The following ECI1 variants were observed in gnomAD, a reference collection of about 807,000 sequenced individuals.
ECI1 encodes the protein enoyl-CoA delta isomerase 1.
ECI1 carries 34 observed loss-of-function variants against 34.2 expected under a neutral mutation model. The observed-to-expected ratio is 1.00, with a 90% CI of 0.76 to 1.33. The LOEUF is 1.33. Among genes scored for constraint, ECI1 ranks in the 40% most tolerant of loss-of-function variants. The probability of loss-of-function intolerance (pLI) is 0.00; values close to 1 mark genes in which losing one functional copy is unlikely to be tolerated. For missense variants in ECI1, 456 were observed against 422.2 expected, an observed-to-expected ratio of 1.08 and a Z score of -0.70; for synonymous variants, 211 against 193.0, an observed-to-expected ratio of 1.09 and a Z score of -0.77.
At position 2,244,436 on chromosome 16, in the gene ECI1, C is replaced by T. The variant is rs1279342733; in HGVS notation, c.411G>A (p.Gln137=). 6.2e-7 allele frequency: 1 copy of T among 1,612,324 alleles called. No individual in the cohort carries two copies. The highest frequency in any genetic ancestry group is 8.5e-7 in the Non-Finnish European group (1 of 1,179,784). ...AVQELWLRLY[Q]SNLVLVSAIN... ...TGGCGGAGACCAGCACCAGGTTGGA[C>T]TGGTACAACCGCAGCCACAGCTCCT... The change falls in exon 4 of 7, where the codon CAG becomes CAA. Residue 137 remains glutamine, a synonymous_variant. Transcript: ENST00000301729.
At chr16:2,249,114 C>T (rs889546361) in intron 2 of ECI1, among the ~76,000 whole-genome samples, 2 of 152,034 alleles carry the variant, frequency 1.3e-5, no homozygotes, top group African/African-American at 2.4e-5. Flanking sequence ...GGCGCGATCT[C>T]GGCTTACTGC....
chr16:2,250,403 G>A (rs2093550619), intron 2 of ECI1, among the ~76,000 whole-genome samples: 1 of 152,174 alleles, frequency 6.6e-6, no homozygotes, highest in African/African-American at 2.4e-5. Context: ...GGAGCCTGGA[G>A]TCCTGAAGCT....
intron 3 of ECI1, 73 bp downstream of exon 3, chr16:2,246,786 A>G: frequency 1.2e-6 from 2 of 1,605,922 alleles, no homozygotes; most frequent in East Asian, 2.2e-5. Flanking sequence ...TCCATGTGCA[A>G]CAGGCCTGGG....
chr16:2,240,235 G>A (rs1350785241), intron 6 of ECI1, 90 bp from the exon 7 acceptor site: 27 of 1,395,290 alleles, frequency 1.9e-5, no homozygotes, highest in African/African-American at 1.6e-4. Flanking sequence ...TTTTTGAGAC[G>A]GAGTCTTGCT....
chr16:2,240,211 T>C (rs1567311553), intron 6 of ECI1, 66 bp from the exon 7 acceptor site: 3 of 1,527,048 alleles, frequency 2.0e-6, no homozygotes, highest in Non-Finnish European at 2.7e-6. Context: ...TCCCAACTTA[T>C]TTTTTATTTT....
At chr16:2,249,044 T>A (rs901078536) in intron 2 of ECI1, among the ~76,000 whole-genome samples, 8 of 152,024 alleles carry the variant, frequency 5.3e-5, no homozygotes, top group Admixed American at 4.6e-4. Flanking sequence ...TTATTTTATT[T>A]AATTAATTAA....
chr16:2,250,981 T>C (rs922338367), intron 2 of ECI1, among the ~76,000 whole-genome samples: 1 of 151,938 alleles, frequency 6.6e-6, no homozygotes, highest in Non-Finnish European at 1.5e-5. Flanking sequence ...CCAGCTAATT[T>C]TTTTCTTTTG....
chr16:2,247,475 G>A (rs1436913633), intron 2 of ECI1, among the ~76,000 whole-genome samples: 2 of 152,034 alleles, frequency 1.3e-5, no homozygotes, highest in East Asian at 1.9e-4. Flanking sequence ...TTGGCTCACC[G>A]CAACCTCTGC....
rs1164584438 is a variant in ECI1 at position 2,240,047 on chromosome 16, T to C, written c.841A>G (p.Ile281Val). ...DADVQNFVSF[I>V]SKDSIQKSLQ... The stretch of plus-strand genomic sequence containing the variant: ...GACTTCTGGATGGAGTCTTTGGAGA[T>C]GAAGCTGACGAAGTTCTGCACGTCC... Residue 281 changes from isoleucine to valine, a missense_variant, in exon 7 of 7, where the codon ATC becomes GTC. By Grantham distance (29) the Ile-to-Val change is conservative. Coordinates refer to ENST00000301729, the MANE Select transcript of ECI1 (RefSeq NM_001919.4). 4 of 1,613,912 alleles carry C rather than the reference T, an allele frequency of 2.5e-6. No homozygotes were observed. The highest frequency in any genetic ancestry group is 2.7e-5 in the African/African-American group (2 of 74,948).
intron 3 of ECI1, among the ~76,000 whole-genome samples, chr16:2,245,051 A>T (rs1386144317): frequency 6.6e-6 from 1 of 152,172 alleles, no homozygotes; most frequent in Non-Finnish European, 1.5e-5. Context: ...GCGAGGGGTG[A>T]GCACAGGTGG....
rs145712373 is a variant in ECI1, at chr16:2,244,515, G to T, written c.332C>A (p.Thr111Lys). 1 of 1,600,930 alleles carries T rather than the reference G, an allele frequency of 6.2e-7. No homozygotes were observed. ...PGVFSAGLDL[T>K]EMCGRSPAHY... ...GGCGGGGCTCCTCCCACACATCTCC[G>T]TCAGGTCCAGGCCGGCCGAGAAGAC... The change falls in exon 4 of 7, where the codon ACG (threonine) becomes AAG (lysine). Residue 111 changes from threonine to lysine, a missense_variant. Thr to Lys is a moderately conservative substitution (Grantham distance 78). Coordinates refer to ENST00000301729, the MANE Select transcript of ECI1 (RefSeq NM_001919.4).
At chr16:2,251,272 G>T in intron 2 of ECI1, 44 bp downstream of exon 2, 1 of 1,000,568 alleles carries the variant, frequency 1.0e-6, no homozygotes, top group Non-Finnish European at 1.3e-6. Flanking sequence ...GACCCCCGCG[G>T]GTCCTGACCC....
intron 1 of ECI1, 32 bp from the exon 2 acceptor site, chr16:2,251,461 TCCCGGTCCTGGC>T: frequency 6.6e-7 from 1 of 1,525,792 alleles, no homozygotes; most frequent in African/African-American, 1.4e-5. Flanking sequence ...GCCCGTTAGT[TCCCGGTCCTGGC>T]CCCGGCCCCG....
At chr16:2,251,012 G>T (rs1279857601) in intron 2 of ECI1, among the ~76,000 whole-genome samples, 5 of 152,044 alleles carry the variant, frequency 3.3e-5, no homozygotes, top group Non-Finnish European at 7.4e-5. Context: ...TACAGATAGG[G>T]TTTCATCATG....
Position 2,239,853 on chromosome 16 carries a change from G to C in ECI1, c.*126C>G. On this transcript the variant is annotated 3_prime_UTR_variant, in exon 7 of 7. Coordinates refer to ENST00000301729, the MANE Select transcript of ECI1 (RefSeq NM_001919.4). ...TGGGCCACTGGGCTATGAGGAACAG[G>C]AACTTCTACGTAACATCAGCAAAAT... 1 of 1,065,586 alleles carries C rather than the reference G, an allele frequency of 9.4e-7. No homozygotes were observed. The highest frequency in any genetic ancestry group is 1.4e-6 in the Non-Finnish European group (1 of 694,312). 66.0% of individuals were successfully genotyped at this position (1,065,586 alleles called of 1,614,324 possible).
intron 2 of ECI1, among the ~76,000 whole-genome samples, chr16:2,248,298 T>C (rs2093545161): frequency 6.6e-6 from 1 of 152,056 alleles, no homozygotes; most frequent in South Asian, 2.1e-4. Context: ...GGTTTCACCA[T>C]GTTGGTTGGC....
intron 2 of ECI1, among the ~76,000 whole-genome samples, chr16:2,250,386 G>C (rs935531895): frequency 6.6e-6 from 1 of 152,152 alleles, no homozygotes; most frequent in Non-Finnish European, 1.5e-5. Context: ...CAAGTTCAGA[G>C]GCACCAGGAG....
intron 2 of ECI1, among the ~76,000 whole-genome samples, chr16:2,247,404 T>G (rs1234640672): frequency 6.6e-6 from 1 of 151,886 alleles, no homozygotes; most frequent in Non-Finnish European, 1.5e-5. Flanking sequence ...CCTATTTTTA[T>G]TTACTTTTTT....
rs749747066 is a variant in ECI1, at chr16:2,240,069, G to A, written c.819C>T (p.Asp273=). Residue 273 remains aspartate (D), a synonymous_variant, in exon 7 of 7, where the codon GAC becomes GAT. Coordinates refer to ENST00000301729, the MANE Select transcript of ECI1 (RefSeq NM_001919.4). The stretch of plus-strand genomic sequence containing the variant: ...AGATGAAGCTGACGAAGTTCTGCAC[G>A]TCCGCATCGCGCTGCGTGACCAGGC... ...ASRLVTQRDA[D]VQNFVSFISK... 85 of 1,613,860 alleles carry A rather than the reference G, an allele frequency of 5.3e-5. No individual in the cohort carries two copies. The highest frequency in any genetic ancestry group is 2.0e-4 in the Admixed American group (12 of 60,000).
Sources: allele counts gnomAD v4.1 joint callset (sites outside exome capture counted in the v4.1 genomes callset), GRCh38; gene constraint gnomAD v4.1.1; transcripts MANE v1.5; gene names NCBI Gene and HGNC (gene_info 2026-07-23, HGNC 2026-07-21).